Variants in ANKRD36B observed in about 807,000 individuals in gnomAD.
ANKRD36B encodes ankyrin repeat domain 36B.
In ANKRD36B, 37 loss-of-function variants were observed where a neutral mutation model predicts 135.7. That is an observed-to-expected ratio of 0.27 (90% CI 0.21 to 0.36). The LOEUF (loss-of-function observed/expected upper bound fraction) is 0.36, where lower values mean the gene tolerates loss of function less well. Ranked by LOEUF, ANKRD36B falls within the 10% of genes least tolerant of loss-of-function variation. The probability of loss-of-function intolerance (pLI) is 1.00; values close to 1 mark genes in which losing one functional copy is unlikely to be tolerated. For missense variants in ANKRD36B, 549 were observed against 1,037.1 expected (o/e 0.53, Z 6.46); for synonymous variants, 179 against 348.1 (o/e 0.51, Z 5.41).
chr2:97,555,144 T>C lies in ANKRD36B; in HGVS notation c.1099-12A>G, dbSNP rs1224149069. 1 of 1,611,778 alleles carries C rather than the reference T, an allele frequency of 6.2e-7. No homozygotes were observed. Among genetic ancestry groups the C allele is most frequent in the Non-Finnish European group, 8.5e-7 (1 of 1,178,638 alleles). ...TTGTCACTTGCAGTCTGAAAGTAAT[T>C]TGAAGCAAATTATCAATAAAGAAAG... On this transcript the variant is annotated splice_polypyrimidine_tract_variant and intron_variant, in intron 13 of 43. Transcript: ENST00000359901.
chr2:97,527,283 A>C lies in ANKRD36B; in HGVS notation c.2266-3816T>G, dbSNP rs2078268684. Among the ~76,000 whole-genome samples, 2 of 95,474 alleles carry C rather than the reference A, an allele frequency of 2.1e-5. 1 individual carries two copies. Among genetic ancestry groups the C allele is most frequent in the Admixed American group, 1.9e-4 (2 of 10,794 alleles). The allele number at this position is 95,474 out of a possible 152,430, so 62.6% of individuals were successfully genotyped here. A position where few individuals can be genotyped will look rare whatever the true frequency, so the allele number is the denominator to read the frequency against. On this transcript the variant is annotated intron_variant, in intron 35 of 43. Transcript: ENST00000359901. ...TTAAAGAAAAGAATTTTCAACCCAG[A>C]ATTTTGTACCCAGCCAAACTAAGCT...
intron 37 of ANKRD36B, among the ~76,000 whole-genome samples, chr2:97,513,923 C>A (rs1340221073): frequency 1.0e-4 from 12 of 120,280 alleles, no homozygotes; most frequent in African/African-American, 5.6e-5. Flanking sequence ...CCTGGAAGCC[C>A]CAGCTTTGAG....
intron 22 of ANKRD36B, among the ~76,000 whole-genome samples, chr2:97,546,329 C>T (rs534514200): frequency 2.6e-5 from 4 of 151,818 alleles, no homozygotes; most frequent in Admixed American, 6.6e-5. Context: ...AGAATTACGA[C>T]GACATTTCAG....
intron 35 of ANKRD36B, among the ~76,000 whole-genome samples, chr2:97,525,903 T>C (rs1484390359): frequency 1.0e-5 from 1 of 97,980 alleles, no homozygotes; most frequent in African/African-American, 3.1e-5. Context: ...CAGCTGGGAA[T>C]CTCAAACTGG....
intron 14 of ANKRD36B, among the ~76,000 whole-genome samples, chr2:97,553,903 G>C (rs1031584803): frequency 2.4e-4 from 37 of 151,926 alleles, no homozygotes; most frequent in African/African-American, 8.2e-4. Flanking sequence ...AAATTGATCA[G>C]CTTGGATATA....
rs2080786797 is a variant in ANKRD36B, at chr2:97,559,062, C to T, written c.866-68G>A. 44 of 1,595,808 alleles carry T rather than the reference C, an allele frequency of 2.8e-5. No individual in the cohort carries two copies. In the South Asian group the frequency reaches 4.0e-4, roughly 15 times the overall value. On this transcript the variant is annotated intron_variant, in intron 8 of 43. Transcript: ENST00000359901. ...GATAAATTTATCCATACATTCCATGCAGTGTTAGCATCAAGCTGTATCTTC... is the reference window on the plus strand; with the variant it reads ...GATAAATTTATCCATACATTCCATGTAGTGTTAGCATCAAGCTGTATCTTC...
chr2:97,573,560 A>G (rs202071966), intron 6 of ANKRD36B, among the ~76,000 whole-genome samples: 7 of 151,838 alleles, frequency 4.6e-5, no homozygotes, highest in Non-Finnish European at 8.8e-5. Flanking sequence ...TATGGAACCA[A>G]AAAAGAGCCC....
rs1478358907 is a variant in ANKRD36B, at chr2:97,531,045, C to T, written c.2265+1266G>A. Reference sequence around the variant, plus strand: ...TAGAAATACCATTTGACCCTGCCATCCCATTACTGGGTATATACCCAAAGG... The same window carrying T: ...TAGAAATACCATTTGACCCTGCCATTCCATTACTGGGTATATACCCAAAGG... On this transcript the variant is annotated intron_variant, in intron 35 of 43. Coordinates refer to ENST00000359901, the MANE Select transcript of ANKRD36B (RefSeq NM_001393939.1). Among the ~76,000 whole-genome samples the T allele has an allele frequency of 2.1e-5, 2 of 95,130 alleles. 1 individual carries two copies. 62.4% of individuals were successfully genotyped at this position (95,130 alleles called of 152,430 possible).
intron 35 of ANKRD36B, among the ~76,000 whole-genome samples, chr2:97,527,714 A>T (rs1324770779): frequency 2.1e-4 from 20 of 94,444 alleles, no homozygotes; most frequent in Admixed American, 3.7e-4. Flanking sequence ...AGGAAGATCT[A>T]CCAAGCAAAT....
chr2:97,548,406 T>A (rs577137561), intron 20 of ANKRD36B, among the ~76,000 whole-genome samples: 1 of 152,090 alleles, frequency 6.6e-6, no homozygotes, highest in East Asian at 1.9e-4. Flanking sequence ...AAGGATAATA[T>A]ATTAGCCTCA....
At chr2:97,527,653 G>A (rs1248790252) in intron 35 of ANKRD36B, among the ~76,000 whole-genome samples, 2 of 95,600 alleles carry the variant, frequency 2.1e-5, no homozygotes, top group South Asian at 2.4e-4. Context: ...CTGTATTCAG[G>A]AAACCCATCT....
At chr2:97,561,414 G>A (rs987342058) in intron 6 of ANKRD36B, among the ~76,000 whole-genome samples, 3 of 151,880 alleles carry the variant, frequency 2.0e-5, no homozygotes, top group Non-Finnish European at 4.4e-5. Context: ...GTGAATTCTA[G>A]TATGTAATAT....
chr2:97,547,944 C>T (rs1351847898), intron 20 of ANKRD36B, among the ~76,000 whole-genome samples: 1 of 151,710 alleles, frequency 6.6e-6, no homozygotes, highest in Non-Finnish European at 1.5e-5. Context: ...TAATTTCAAA[C>T]AGGGTATGAT....
chr2:97,586,944 C>T (rs547102870), intron 1 of ANKRD36B, among the ~76,000 whole-genome samples: 174 of 152,192 alleles, frequency 1.1e-3, no homozygotes, highest in Non-Finnish European at 2.1e-3. Context: ...GAGGCCGAGG[C>T]GGGGGGATCA....
In ANKRD36B at chr2:97,531,412, G is replaced by T. The variant is rs1163425249; in HGVS notation, c.2265+899C>A. On this transcript the variant is annotated intron_variant, in intron 35 of 43. Transcript: ENST00000359901. ...CACACTCTGGGGACTGTTGTGGGGT[G>T]GGGGGAGGGGGGAGGGATAGCATTA... Among the ~76,000 whole-genome samples the T allele has an allele frequency of 3.1e-3, 112 of 35,808 alleles. 10 individuals carry two copies. Among genetic ancestry groups the T allele is most frequent in the African/African-American group, 8.5e-3 (110 of 12,996 alleles). The allele number at this position is 35,808 out of a possible 152,430, so 23.5% of individuals were successfully genotyped here.
At position 97,551,280 on chromosome 2, in the gene ANKRD36B, C is replaced by G. The variant is rs759530348; in HGVS notation, c.1375+9G>C. The G allele has an allele frequency of 9.0e-6, 14 of 1,550,346 alleles. No individual in the cohort carries two copies. The highest frequency in any genetic ancestry group is 1.1e-5 in the Non-Finnish European group (13 of 1,151,416). ...TGAACATGACATTAAATGTGTTTCG[C>G]AAAATTACCTGTCCTAGATATTTCT... On this transcript the variant is annotated intron_variant, in intron 18 of 43. Coordinates refer to ENST00000359901, the MANE Select transcript of ANKRD36B (RefSeq NM_001393939.1).
intron 16 of ANKRD36B, among the ~76,000 whole-genome samples, chr2:97,552,556 A>G (rs533888576): frequency 6.6e-6 from 1 of 152,062 alleles, no homozygotes; most frequent in Admixed American, 6.6e-5. Context: ...CCTGCTTCCA[A>G]TAGTTCCTGG....
chr2:97,587,049 C>T (rs2083052839), intron 1 of ANKRD36B, among the ~76,000 whole-genome samples: 1 of 152,120 alleles, frequency 6.6e-6, no homozygotes, highest in South Asian at 2.1e-4. Flanking sequence ...GTGGCGCACA[C>T]CTGTAATCCC....
intron 6 of ANKRD36B, among the ~76,000 whole-genome samples, chr2:97,561,295 T>C (rs1458991382): frequency 6.6e-6 from 1 of 151,954 alleles, no homozygotes; most frequent in African/African-American, 2.4e-5. Context: ...ACATTCATCA[T>C]GCTTTTTAAC....
Sources: allele counts gnomAD v4.1 joint callset (sites outside exome capture counted in the v4.1 genomes callset), GRCh38; gene constraint gnomAD v4.1.1; transcripts MANE v1.5; gene names NCBI Gene and HGNC (gene_info 2026-07-23, HGNC 2026-07-21).